TTI1: variants seen among roughly 807,000 people sequenced by gnomAD.
TTI1 encodes the protein TELO2-interacting protein 1 homolog.
TTI1 carries 52 observed loss-of-function variants against 85.4 expected under a neutral mutation model. That is an observed-to-expected ratio of 0.61 (90% CI 0.49 to 0.77). The LOEUF is 0.77. Ranked by LOEUF, TTI1 falls within the 30% of genes least tolerant of loss-of-function variation. The pLI, the probability that TTI1 is intolerant of heterozygous loss-of-function variation, is 0.00. For synonymous variants in TTI1, 512 were observed against 503.9 expected (o/e 1.02, Z -0.22); for missense variants, 1,173 against 1,296.0 (o/e 0.91, Z 1.46).
chr20:38,026,205 G>C (rs2073834786), intron 1 of TTI1, among the ~76,000 whole-genome samples: 2 of 152,090 alleles, frequency 1.3e-5, no homozygotes, highest in South Asian at 4.1e-4. Context: ...TGTCACCAAG[G>C]CTGGAGTGCA....
At chr20:38,021,378 T>C (rs558157274) in intron 1 of TTI1, among the ~76,000 whole-genome samples, 8 of 152,210 alleles carry the variant, frequency 5.3e-5, no homozygotes, top group Non-Finnish European at 1.0e-4. Flanking sequence ...GTTTAGAGAT[T>C]TAGAGCCTTA....
At chr20:38,001,071 A>G (rs1169492822) in intron 4 of TTI1, among the ~76,000 whole-genome samples, 1 of 152,204 alleles carries the variant, frequency 6.6e-6, no homozygotes, top group Admixed American at 6.5e-5. Flanking sequence ...AATATGTATG[A>G]GTCTGTGTAT....
At chr20:38,003,517 T>C (rs887729447) in intron 3 of TTI1, among the ~76,000 whole-genome samples, 5 of 151,894 alleles carry the variant, frequency 3.3e-5, no homozygotes, top group African/African-American at 1.2e-4. Context: ...ATTTGGGAGG[T>C]TGAGGCAGGT....
chr20:38,024,733 G>A (rs1209862305), intron 1 of TTI1, among the ~76,000 whole-genome samples: 1 of 152,204 alleles, frequency 6.6e-6, no homozygotes, highest in African/African-American at 2.4e-5. Flanking sequence ...TCATAAGTCT[G>A]TAATGAGGCA....
chr20:37,989,788 G>C (rs1568607809), intron 7 of TTI1, among the ~76,000 whole-genome samples: 2 of 152,226 alleles, frequency 1.3e-5, no homozygotes, highest in Non-Finnish European at 2.9e-5. Context: ...CCTCCTGCCT[G>C]AACTGTTTTC....
chr20:37,999,100 G>A, intron 5 of TTI1, 88 bp downstream of exon 5: 1 of 1,289,496 alleles, frequency 7.8e-7, no homozygotes. Flanking sequence ...GCAATCGGGT[G>A]AAGAGAACCA....
chr20:38,025,511 G>A (rs2073825201), intron 1 of TTI1, among the ~76,000 whole-genome samples: 2 of 151,962 alleles, frequency 1.3e-5, no homozygotes, highest in African/African-American at 4.8e-5. Flanking sequence ...GGAGGTTGCA[G>A]TGAGCAGAGA....
chr20:37,983,984 A>G (rs546281070), intron 7 of TTI1, among the ~76,000 whole-genome samples: 1 of 152,344 alleles, frequency 6.6e-6, no homozygotes, highest in East Asian at 1.9e-4. Flanking sequence ...GAAAAACGAC[A>G]GAGTGTACCC....
intron 3 of TTI1, 107 bp from the exon 4 acceptor site, chr20:38,002,883 AG>A: frequency 6.8e-7 from 1 of 1,471,282 alleles, no homozygotes; most frequent in Non-Finnish European, 9.3e-7. Flanking sequence ...TGGTTACAGC[AG>A]CACAAATGGA....
In TTI1 at chr20:37,986,537, C is replaced by T. The variant is rs537684906; in HGVS notation, c.3087-2898G>A. On this transcript the variant is annotated intron_variant, in intron 7 of 7. Transcript: ENST00000373447. ...TCTCATTTCTTTGCTTTTAAAGGGG[C>T]AGATGCCCCAGAATGGCAGGAATGC... Among the ~76,000 whole-genome samples, 11 of 152,298 alleles carry T rather than the reference C, an allele frequency of 7.2e-5. No homozygotes were observed. The East Asian group carries it at 1.9e-3, about 27-fold the overall frequency.
intron 7 of TTI1, among the ~76,000 whole-genome samples, chr20:37,993,952 C>T (rs900998614): frequency 2.0e-5 from 3 of 152,158 alleles, no homozygotes; most frequent in Non-Finnish European, 4.4e-5. Flanking sequence ...TGATGGTGGC[C>T]TGGCCTGGCC....
At chr20:38,031,087 C>A (rs976956902) in intron 1 of TTI1, among the ~76,000 whole-genome samples, 1 of 152,212 alleles carries the variant, frequency 6.6e-6, no homozygotes, top group African/African-American at 2.4e-5. Context: ...TCCACAGATA[C>A]CACCCTGGTT....
chr20:38,028,233 T>A lies in TTI1; in HGVS notation c.-42+5171A>T. On this transcript the variant is annotated intron_variant, in intron 1 of 7. Transcript: ENST00000373447. ...AATACATCAATTAAAAGATTGAGAT[T>A]GGCGGAGTGGATTTAAAAACATGAT... Among the ~76,000 whole-genome samples, 2 of 152,196 alleles carry A rather than the reference T, an allele frequency of 1.3e-5. 1 individual carries two copies. The highest frequency in any genetic ancestry group is 2.9e-5 in the Non-Finnish European group (2 of 68,032).
At position 38,012,452 on chromosome 20, in the gene TTI1, A is replaced by G. The variant is rs1347827037; in HGVS notation, c.1365T>C (p.Asp455=). The change falls in exon 2 of 8, where the codon GAT becomes GAC. Residue 455 remains aspartate (D), a synonymous_variant. Coordinates refer to ENST00000373447, the MANE Select transcript of TTI1 (RefSeq NM_001303457.2). ...IVEERRWNSD[D]LNASPKTSAT... is the part of the protein sequence containing the mutation. ...CTGAGGTCTTTGGAGAAGCATTCAG[A>G]TCATCAGAGTTCCAACGCCGTTCCT... The G allele has an allele frequency of 1.2e-6, 2 of 1,614,208 alleles. No individual in the cohort carries two copies. The highest frequency in any genetic ancestry group is 2.2e-5 in the East Asian group (1 of 44,886).
chr20:38,011,327 T>C (rs2073583128), intron 2 of TTI1, among the ~76,000 whole-genome samples, 188 bp downstream of exon 2: 1 of 152,194 alleles, frequency 6.6e-6, no homozygotes, highest in Non-Finnish European at 1.5e-5. Flanking sequence ...GCTCAATAAA[T>C]GGTAGAGATT....
chr20:38,032,698 C>G (rs1181849433), intron 1 of TTI1, among the ~76,000 whole-genome samples: 1 of 152,228 alleles, frequency 6.6e-6, no homozygotes, highest in Non-Finnish European at 1.5e-5. Flanking sequence ...TATCCTCTCG[C>G]GTAGCTGGAA....
At position 38,025,484 on chromosome 20, in the gene TTI1, A is replaced by G. The variant is rs147615417; in HGVS notation, c.-42+7920T>C. 7.4e-3 allele frequency among the ~76,000 whole-genome samples: 1,119 copies of G among 151,976 alleles called. 16 individuals carry two copies. The highest frequency in any genetic ancestry group is 0.025 in the African/African-American group (1,053 of 41,452). On this transcript the variant is annotated intron_variant, in intron 1 of 7. Transcript: ENST00000373447. ...CTTGGGAGGCTGAGGCAGGAGAATC[A>G]CTTGAACCCGGAAGGTGGAGGTTGC... is the stretch of plus-strand genomic sequence containing the variant.
intron 4 of TTI1, among the ~76,000 whole-genome samples, chr20:38,001,907 G>C (rs1332140903): frequency 6.6e-6 from 1 of 152,146 alleles, no homozygotes; most frequent in Non-Finnish European, 1.5e-5. Flanking sequence ...TAGTAGAGAT[G>C]GGGTTTCTCC....
chr20:38,006,289 G>A lies in TTI1; in HGVS notation c.2411C>T (p.Thr804Ile). The change falls in exon 3 of 8, where the codon ACC becomes ATC. Residue 804 changes from threonine to isoleucine, a missense_variant. Coordinates refer to ENST00000373447, the MANE Select transcript of TTI1 (RefSeq NM_001303457.2). ...AAACTGTTCGATGTCTTCAGCTGTG[G>A]TGGTGCTCTTCTCAAGAGCTGCTGG... ...QRPAALEKST[T>I]TAEDIEQFLL... 1 of 1,614,126 alleles carries A rather than the reference G, an allele frequency of 6.2e-7. No homozygotes were observed. The highest frequency in any genetic ancestry group is 2.2e-5 in the East Asian group (1 of 44,880).
Sources: allele counts gnomAD v4.1 joint callset (sites outside exome capture counted in the v4.1 genomes callset), GRCh38; gene constraint gnomAD v4.1.1; transcripts MANE v1.5; gene names NCBI Gene and HGNC (gene_info 2026-07-23, HGNC 2026-07-21).